The following HPS1 variants were observed in gnomAD, a reference collection of about 807,000 sequenced individuals.
The protein encoded by HPS1 is HPS1 biogenesis of lysosomal organelles complex 3 subunit 1, also known as BLOC-3 complex member HPS1.
In HPS1, 59 loss-of-function variants were observed where a neutral mutation model predicts 90.6. The ratio of observed to expected loss-of-function variants is 0.65; its 90% confidence interval spans 0.53 to 0.81. The LOEUF (loss-of-function observed/expected upper bound fraction) is 0.81. HPS1 is among the 30% of genes least tolerant of loss of function. HPS1 has a pLI of 0.00. For missense variants in HPS1, 849 were observed against 896.7 expected (o/e 0.95, Z 0.68); for synonymous variants, 388 against 384.4 (o/e 1.01, Z -0.11).
Position 98,435,878 on chromosome 10 carries a change from C to A in HPS1, c.118-106G>T. 2.1e-6 allele frequency: 3 copies of A among 1,431,796 alleles called. No homozygotes were observed. The highest frequency in any genetic ancestry group is 1.2e-5 in the South Asian group (1 of 83,214). The allele number at this position is 1,431,796 out of a possible 1,614,324, so 88.7% of individuals were successfully genotyped here. A position where few individuals can be genotyped will look rare whatever the true frequency, so the allele number is the denominator to read the frequency against. On this transcript the variant is annotated intron_variant, in intron 3 of 19. Coordinates refer to ENST00000361490, the MANE Select transcript of HPS1 (RefSeq NM_000195.5). This position sits in a 1 kb window ranked among gnomAD's most constrained non-coding sequence, Gnocchi z 4.3. ...TATCAAGGGTTCCATAGTGTTAGAC[C>A]CTCCTGGGAGGGTATCACTGTCCTG...
chr10:98,418,666 G>A (rs550894532), intron 18 of HPS1, among the ~76,000 whole-genome samples: 8 of 152,252 alleles, frequency 5.3e-5, no homozygotes, highest in Admixed American at 1.3e-4. Flanking sequence ...TGGACGTGCC[G>A]TGTGTGCCAG....
intron 3 of HPS1, 28 bp downstream of exon 3, chr10:98,443,096 C>T (rs944339848): frequency 1.3e-6 from 2 of 1,486,338 alleles, no homozygotes; most frequent in Non-Finnish European, 1.9e-6. Flanking sequence ...CTATCCACCC[C>T]TCCTGGGACT....
Position 98,425,818 on chromosome 10 carries a change from C to G in HPS1, c.1155G>C (p.Arg385Ser). 6.2e-7 allele frequency: 1 copy of G among 1,613,578 alleles called. No individual in the cohort carries two copies. The highest frequency in any genetic ancestry group is 8.5e-7 in the Non-Finnish European group (1 of 1,179,734). Reference sequence around the variant, plus strand: ...AGGGCAGGGTGAGGGGCTCTCCTACCCTGGTCAGGAGCACCAGGTTGATGC... The same window carrying G: ...AGGGCAGGGTGAGGGGCTCTCCTACGCTGGTCAGGAGCACCAGGTTGATGC... ...WQGINLVLLT[R>S]SPSAPLALVL... The change falls in exon 12 of 20, where the codon AGG becomes AGC. Residue 385 changes from arginine to serine, a missense_variant and splice_region_variant. By Grantham distance (110) the Arg-to-Ser change is moderately radical (BLOSUM62 -1). Transcript: ENST00000361490.
intron 17 of HPS1, among the ~76,000 whole-genome samples, chr10:98,421,226 G>A (rs1407526439): frequency 1.3e-5 from 2 of 152,206 alleles, no homozygotes; most frequent in Admixed American, 1.3e-4. Flanking sequence ...TACTTTTCAG[G>A]AAAGTAATTT....
chr10:98,419,697 C>T (rs1238195801), intron 18 of HPS1, among the ~76,000 whole-genome samples: 1 of 152,242 alleles, frequency 6.6e-6, no homozygotes, highest in East Asian at 1.9e-4. Context: ...GACCATGTGC[C>T]ACACTTGGCA....
intron 6 of HPS1, among the ~76,000 whole-genome samples, chr10:98,433,687 T>C (rs1374146883): frequency 6.6e-6 from 1 of 152,120 alleles, no homozygotes; most frequent in Non-Finnish European, 1.5e-5. Flanking sequence ...TATAATTTTG[T>C]GGGAAAAGGA....
At position 98,425,475 on chromosome 10, in the gene HPS1, C is replaced by T. The variant is rs1845475925; in HGVS notation, c.1335+66G>A. ...CCATTGGCCCCTCAGCTGCTGTGGA[C>T]CGGATGTACCCTGCTGCCAGCCCTG... On this transcript the variant is annotated intron_variant, in intron 13 of 19. Transcript: ENST00000361490. The T allele has an allele frequency of 5.9e-6, 9 of 1,512,950 alleles. No homozygotes were observed. The South Asian group carries it at 1.1e-4, about 18-fold the overall frequency. 93.7% of individuals were successfully genotyped at this position (1,512,950 alleles called of 1,614,324 possible).
chr10:98,429,484 G>A, intron 10 of HPS1, 89 bp downstream of exon 10: 1 of 1,607,212 alleles, frequency 6.2e-7, no homozygotes, highest in Non-Finnish European at 8.5e-7. Flanking sequence ...AGGAGGCACG[G>A]GGGTCCACTG....
In HPS1 at chr10:98,416,226, A is replaced by G. The variant is rs1844099978; in HGVS notation, c.*1338T>C. ...GATTCAGGATGTTCACTCCTGTGTT[A>G]TTTATTATATAGAAAGATCAAGGGG... On this transcript the variant is annotated 3_prime_UTR_variant, in exon 20 of 20. Transcript: ENST00000361490. 6.6e-6 allele frequency: 1 copy of G among 152,254 alleles called. No homozygotes were observed. The highest frequency in any genetic ancestry group is 1.5e-5 in the Non-Finnish European group (1 of 68,020). The allele number at this position is 152,254 out of a possible 1,614,324, so 9.4% of individuals were successfully genotyped here.
At chr10:98,415,615 GC>G (rs558106998), downstream of HPS1, among the ~76,000 whole-genome samples, 6 of 152,246 alleles carry the variant, frequency 3.9e-5, no homozygotes, top group Non-Finnish European at 8.8e-5. Flanking sequence ...CCAACTCCAT[GC>G]TGAGTCTGCC....
Position 98,444,643 on chromosome 10 carries a change from G to A in HPS1, c.-1+657C>T, listed in dbSNP as rs189872655. 8.6e-4 allele frequency among the ~76,000 whole-genome samples: 131 copies of A among 152,320 alleles called. 1 individual carries two copies. The highest frequency in any genetic ancestry group is 2.8e-3 in the African/African-American group (117 of 41,568). On this transcript the variant is annotated intron_variant, in intron 2 of 19. Coordinates refer to ENST00000361490, the MANE Select transcript of HPS1 (RefSeq NM_000195.5). ...ACAGCATCTCCAGGTCTTGTGTTCC[G>A]TCATCCCCATGTCCAGCTTAGTGGT...
rs1386614437 is a variant in HPS1, at chr10:98,435,037, C to A, written c.398+235G>T. On this transcript the variant is annotated intron_variant, in intron 5 of 19. Transcript: ENST00000361490. This position sits in a 1 kb window ranked among gnomAD's most constrained non-coding sequence, Gnocchi z 4.3. The stretch of plus-strand genomic sequence containing the variant: ...TATCCAGTTTGGATGTGGCCACCAA[C>A]CAGCTAGATGACCCCAGGCAAGTGA... The A allele has an allele frequency of 5.4e-6, 3 of 554,232 alleles. No homozygotes were observed. Among genetic ancestry groups the A allele is most frequent in the Non-Finnish European group, 9.7e-6 (3 of 308,872 alleles). The allele number at this position is 554,232 out of a possible 1,614,324, so 34.3% of individuals were successfully genotyped here.
At chr10:98,422,827 G>A (rs1463723094) in intron 16 of HPS1, among the ~76,000 whole-genome samples, 1 of 152,236 alleles carries the variant, frequency 6.6e-6, no homozygotes, top group African/African-American at 2.4e-5. Flanking sequence ...TGAGGCTGGA[G>A]TGTGAGCACA....
Position 98,435,360 on chromosome 10 carries a change from C to A in HPS1, c.310G>T (p.Asp104Tyr). The A allele has an allele frequency of 5.6e-6, 9 of 1,614,016 alleles. No individual in the cohort carries two copies. Among genetic ancestry groups the A allele is most frequent in the Non-Finnish European group, 7.6e-6 (9 of 1,180,002 alleles). The change falls in exon 5 of 20, where the codon GAC becomes TAC. Residue 104 changes from aspartate to tyrosine, a missense_variant. By Grantham distance (160) the Asp-to-Tyr change is radical. Transcript: ENST00000361490. The surrounding 1 kb of genome is among the most constrained non-coding windows in gnomAD (Gnocchi z 4.3). Reference sequence around the variant, plus strand: ...AGCACATACAGCTTCCGCCGCAGGTCCCCCTCGCTCTCGGTGTGGTCACCA... The same window carrying A: ...AGCACATACAGCTTCCGCCGCAGGTACCCCTCGCTCTCGGTGTGGTCACCA... The part of the protein sequence containing the change: ...INGDHTESEG[D>Y]LRRKLYVLKY...
intron 11 of HPS1, among the ~76,000 whole-genome samples, chr10:98,426,716 A>AT (rs368694333): frequency 2.1e-4 from 32 of 150,844 alleles, no homozygotes; most frequent in African/African-American, 7.1e-4. Context: ...TCCAAATCTG[A>AT]TTTTAAAAAT....
intron 2 of HPS1, among the ~76,000 whole-genome samples, chr10:98,443,735 A>G (rs1389557034): frequency 6.6e-6 from 1 of 152,104 alleles, no homozygotes; most frequent in Non-Finnish European, 1.5e-5. Context: ...TCTCCCTCAG[A>G]TAAAAACAGT....
chr10:98,424,820 C>G (rs1270376270), intron 13 of HPS1, among the ~76,000 whole-genome samples: 1 of 152,162 alleles, frequency 6.6e-6, no homozygotes, highest in Non-Finnish European at 1.5e-5. Context: ...AGTGAAAGTG[C>G]TCCTTAGGAC....
downstream of HPS1, chr10:98,414,905 G>C (rs1339515326): frequency 6.7e-7 from 1 of 1,495,170 alleles, no homozygotes; most frequent in Non-Finnish European, 9.0e-7. Flanking sequence ...TATGCCAGAG[G>C]AGAGAGCAGT....
At chr10:98,424,776 G>A (rs970120478) in intron 13 of HPS1, among the ~76,000 whole-genome samples, 14 of 150,980 alleles carry the variant, frequency 9.3e-5, no homozygotes, top group African/African-American at 1.5e-4. Flanking sequence ...GCGGCCTCAC[G>A]GGATCTCTAT....
Sources: allele counts gnomAD v4.1 joint callset (sites outside exome capture counted in the v4.1 genomes callset), GRCh38; gene constraint gnomAD v4.1.1; non-coding constraint Gnocchi (gnomAD v3.1); transcripts MANE v1.5; gene names NCBI Gene and HGNC (gene_info 2026-07-23, HGNC 2026-07-21).